The following CCSER1 variants were observed in gnomAD, a reference collection of about 807,000 sequenced individuals.
The protein encoded by CCSER1 is serine-rich coiled-coil domain-containing protein 1.
A neutral mutation model predicts 82.0 loss-of-function variants in CCSER1; 41 were observed. The ratio of observed to expected loss-of-function variants is 0.50; its 90% CI spans 0.39 to 0.65. CCSER1 has a LOEUF of 0.65. Ranked by LOEUF, CCSER1 falls within the 30% of genes least tolerant of loss-of-function variation. The pLI, the probability that CCSER1 is intolerant of heterozygous loss-of-function variation, is 0.00. For synonymous variants in CCSER1, 414 were observed against 383.9 expected (o/e 1.08, Z -0.92); for missense variants, 1,119 against 1,064.2 (o/e 1.05, Z -0.72).
intron 10 of CCSER1, among the ~76,000 whole-genome samples, chr4:91,388,484 T>C (rs1483426868): frequency 6.6e-6 from 1 of 152,106 alleles, no homozygotes; most frequent in African/African-American, 2.4e-5. Flanking sequence ...ACTGAAAAAC[T>C]CTTCCAAAGT....
At chr4:90,630,649 G>C (rs1234685129) in intron 6 of CCSER1, among the ~76,000 whole-genome samples, 2 of 151,898 alleles carry the variant, frequency 1.3e-5, no homozygotes, top group Admixed American at 6.6e-5. Context: ...ATAGACAACA[G>C]TTCTACTAAG....
At chr4:90,683,947 G>A (rs986789768) in intron 6 of CCSER1, among the ~76,000 whole-genome samples, 3 of 151,990 alleles carry the variant, frequency 2.0e-5, no homozygotes, top group Admixed American at 6.6e-5. Flanking sequence ...ATATTTCTAA[G>A]CCTTCAGAGG....
chr4:90,608,545 C>A (rs962008143), intron 5 of CCSER1, among the ~76,000 whole-genome samples: 1 of 152,062 alleles, frequency 6.6e-6, no homozygotes, highest in Non-Finnish European at 1.5e-5. Context: ...GGCATATACA[C>A]CAGGGAGTGG....
chr4:91,377,217 C>T (rs1270036381), intron 10 of CCSER1, among the ~76,000 whole-genome samples: 2 of 152,120 alleles, frequency 1.3e-5, no homozygotes, highest in African/African-American at 4.8e-5. Context: ...CATACATGTG[C>T]ATGTGTCTTT....
At chr4:91,104,924 G>A (rs889361361) in intron 10 of CCSER1, among the ~76,000 whole-genome samples, 2 of 152,132 alleles carry the variant, frequency 1.3e-5, no homozygotes, top group African/African-American at 4.8e-5. Context: ...ATAAATTCAT[G>A]TGGTACAGGT....
chr4:90,563,331 C>T (rs1032726224), intron 5 of CCSER1, among the ~76,000 whole-genome samples: 1 of 151,904 alleles, frequency 6.6e-6, no homozygotes, highest in Non-Finnish European at 1.5e-5. Flanking sequence ...AGGATGGTCT[C>T]GATCTCTTGA....
chr4:91,199,397 T>C (rs939946392), intron 10 of CCSER1, among the ~76,000 whole-genome samples: 1 of 152,164 alleles, frequency 6.6e-6, no homozygotes, highest in African/African-American at 2.4e-5. Context: ...GTGAATCTAA[T>C]GTAGATGACT....
At chr4:91,055,340 G>A (rs1243508793) in intron 9 of CCSER1, among the ~76,000 whole-genome samples, 3 of 152,056 alleles carry the variant, frequency 2.0e-5, no homozygotes, top group African/African-American at 2.4e-5. Context: ...ATGTGTATCC[G>A]AAACATGAAC....
At chr4:91,303,556 T>G (rs1478378911) in intron 10 of CCSER1, among the ~76,000 whole-genome samples, 1 of 151,892 alleles carries the variant, frequency 6.6e-6, no homozygotes, top group Non-Finnish European at 1.5e-5. Context: ...GAGGCTGAAG[T>G]GGGAGGATCA....
At chr4:90,392,756 C>G (rs1417668594) in intron 3 of CCSER1, among the ~76,000 whole-genome samples, 1 of 152,090 alleles carries the variant, frequency 6.6e-6, no homozygotes, top group Non-Finnish European at 1.5e-5. Flanking sequence ...TTGAGTTACT[C>G]AAAACCATAA....
chr4:90,857,242 G>C (rs1231816236), intron 8 of CCSER1, among the ~76,000 whole-genome samples: 1 of 152,056 alleles, frequency 6.6e-6, no homozygotes, highest in Non-Finnish European at 1.5e-5. Context: ...GTTGTCTCAG[G>C]ACTTGACTGG....
chr4:90,841,511 G>A (rs1762565197), intron 8 of CCSER1, among the ~76,000 whole-genome samples: 1 of 148,690 alleles, frequency 6.7e-6, no homozygotes, highest in South Asian at 2.1e-4. Flanking sequence ...CCTGGAGGCA[G>A]AGCTTGCAGT....
At chr4:90,192,984 A>T (rs571455925) in intron 1 of CCSER1, among the ~76,000 whole-genome samples, 38 of 152,202 alleles carry the variant, frequency 2.5e-4, no homozygotes, top group Non-Finnish European at 5.1e-4. Flanking sequence ...TCTTAAAATA[A>T]ATTTTATTAG....
At chr4:90,261,560 C>T (rs907692207) in intron 1 of CCSER1, among the ~76,000 whole-genome samples, 4 of 152,146 alleles carry the variant, frequency 2.6e-5, no homozygotes, top group Non-Finnish European at 5.9e-5. Context: ...TTTAGATAGC[C>T]TGATGACTAT....
intron 10 of CCSER1, among the ~76,000 whole-genome samples, chr4:91,230,056 G>A (rs1317768177): frequency 6.6e-6 from 1 of 152,074 alleles, no homozygotes; most frequent in East Asian, 1.9e-4. Flanking sequence ...TAAAGCAACA[G>A]ATAAGAGTTT....
chr4:90,736,511 A>G (rs764850374), intron 7 of CCSER1, among the ~76,000 whole-genome samples: 1 of 152,030 alleles, frequency 6.6e-6, no homozygotes, highest in Non-Finnish European at 1.5e-5. Context: ...CTTTTCTGAT[A>G]TAAGTATAGC....
chr4:90,403,882 G>A (rs1322827773), intron 4 of CCSER1: 2 of 152,186 alleles, frequency 1.3e-5, no homozygotes, highest in African/African-American at 2.4e-5. Flanking sequence ...TGGATGAACA[G>A]AGCAGGGTGT....
chr4:90,410,894 G>A (rs1041052860), intron 4 of CCSER1, among the ~76,000 whole-genome samples: 5 of 152,066 alleles, frequency 3.3e-5, no homozygotes, highest in African/African-American at 1.2e-4. Context: ...TAATAAAGAA[G>A]CAAAGAGAGA....
intron 6 of CCSER1, among the ~76,000 whole-genome samples, chr4:90,663,292 G>A: frequency 6.6e-6 from 1 of 151,926 alleles, no homozygotes; most frequent in East Asian, 1.9e-4. Context: ...CTTTTTTGAT[G>A]AAAAAACTGA....
Sources: allele counts gnomAD v4.1 joint callset (sites outside exome capture counted in the v4.1 genomes callset), GRCh38; gene constraint gnomAD v4.1.1; transcripts MANE v1.5; gene names NCBI Gene and HGNC (gene_info 2026-07-23, HGNC 2026-07-21).